The following ABHD18 variants were observed in gnomAD, a reference collection of about 807,000 sequenced individuals.
ABHD18 encodes cardiolipin-specific deacylase, mitochondrial.
ABHD18 carries 55 observed loss-of-function variants against 65.9 expected under a neutral mutation model. The ratio of observed to expected loss-of-function variants is 0.84; its 90% CI spans 0.67 to 1.05. The LOEUF (loss-of-function observed/expected upper bound fraction) is 1.05, where lower values mean the gene tolerates loss of function less well. ABHD18 is among the 50% of genes least tolerant of loss of function. The pLI is 0.00. For missense variants in ABHD18, 533 were observed against 558.5 expected (o/e 0.95, Z 0.46); for synonymous variants, 181 against 180.2 (o/e 1.00, Z -0.04).
At chr4:128,020,265 A>G in intron 9 of ABHD18, 96 bp downstream of exon 9, 1 of 827,654 alleles carries the variant, frequency 1.2e-6, no homozygotes, top group Non-Finnish European at 2.0e-6. Context: ...TGGTGATTCA[A>G]AGAAAGAATT....
At chr4:127,996,682 C>T (rs1751788028) in intron 4 of ABHD18, among the ~76,000 whole-genome samples, 1 of 152,132 alleles carries the variant, frequency 6.6e-6, no homozygotes, top group Non-Finnish European at 1.5e-5. Flanking sequence ...CTGCAGGACA[C>T]CAGGGCATAT....
chr4:128,007,992 G>A (rs984858982), intron 4 of ABHD18, among the ~76,000 whole-genome samples: 10 of 151,508 alleles, frequency 6.6e-5, no homozygotes, highest in Non-Finnish European at 1.3e-4. Context: ...GGCTAGGCAT[G>A]GTGGCTCACA....
In ABHD18 at chr4:128,035,807, T is replaced by A. The variant is rs929720743; in HGVS notation, c.1389T>A (p.Ala463=). 2.6e-6 allele frequency: 4 copies of A among 1,534,560 alleles called. No homozygotes were observed. The African/African-American group carries it at 5.5e-5, about 21-fold the overall frequency. The change falls in exon 13 of 13, where the codon GCT becomes GCA. Residue 463 remains alanine, a synonymous_variant. Coordinates refer to ENST00000645843, the MANE Select transcript of ABHD18 (RefSeq NM_001358451.3). The stretch of plus-strand genomic sequence containing the variant: ...TTGACCGCTTCCTCCATAAATACGC[T>A]AACTAGTTGGATTATTATATGTAAC... ...DAFDRFLHKY[A]N
At chr4:127,983,817 A>G (rs2149072922) in intron 2 of ABHD18, among the ~76,000 whole-genome samples, 1 of 152,300 alleles carries the variant, frequency 6.6e-6, no homozygotes, top group East Asian at 1.9e-4. Context: ...GTGAGCCGAG[A>G]TCGCGCTACT....
At chr4:127,971,982 C>A (rs1746912381) in intron 1 of ABHD18, among the ~76,000 whole-genome samples, 1 of 152,124 alleles carries the variant, frequency 6.6e-6, no homozygotes, top group Non-Finnish European at 1.5e-5. Context: ...GCCTCTCATC[C>A]TTCTGACCGA....
At chr4:127,996,614 A>T (rs981951601) in intron 4 of ABHD18, among the ~76,000 whole-genome samples, 8 of 152,312 alleles carry the variant, frequency 5.3e-5, no homozygotes, top group African/African-American at 1.9e-4. Flanking sequence ...AGAGCAGAGA[A>T]TGGTCTGACT....
intron 2 of ABHD18, among the ~76,000 whole-genome samples, chr4:127,983,970 C>G (rs1749516153): frequency 6.6e-6 from 1 of 151,580 alleles, no homozygotes; most frequent in Admixed American, 6.6e-5. Context: ...ACCCGGGAGG[C>G]AGAGGTTGCA....
intron 9 of ABHD18, 137 bp from the exon 10 acceptor site, chr4:128,021,000 C>T: frequency 3.6e-6 from 2 of 549,390 alleles, no homozygotes; most frequent in Non-Finnish European, 6.3e-6. Flanking sequence ...TGCCATTGCA[C>T]TCCAGCCTGG....
intron 4 of ABHD18, among the ~76,000 whole-genome samples, chr4:128,000,630 C>T (rs530274253): frequency 2.0e-4 from 30 of 151,854 alleles, no homozygotes; most frequent in Non-Finnish European, 3.8e-4. Flanking sequence ...TTTTTGGTTC[C>T]GTATATGAAT....
At chr4:127,989,588 G>A in intron 3 of ABHD18, 133 bp from the exon 4 acceptor site, 2 of 520,712 alleles carry the variant, frequency 3.8e-6, no homozygotes, top group Non-Finnish European at 6.8e-6. Flanking sequence ...AAGTACAGTG[G>A]CATAAAAAGT....
chr4:127,992,365 C>T (rs369830902), intron 4 of ABHD18, among the ~76,000 whole-genome samples: 2 of 151,958 alleles, frequency 1.3e-5, no homozygotes, highest in Admixed American at 6.6e-5. Context: ...ATCCCAGCTA[C>T]TCAGGAGGCT....
intron 1 of ABHD18, among the ~76,000 whole-genome samples, chr4:127,974,458 G>C (rs1747508275): frequency 6.6e-6 from 1 of 151,840 alleles, no homozygotes; most frequent in Non-Finnish European, 1.5e-5. Flanking sequence ...TGTAGCCTCT[G>C]CCTACTCAGT....
chr4:128,032,576 C>T (rs758864039), intron 12 of ABHD18, among the ~76,000 whole-genome samples: 1 of 151,962 alleles, frequency 6.6e-6, no homozygotes, highest in African/African-American at 2.4e-5. Context: ...GTCCCAGCTA[C>T]TCAGGAGGCT....
intron 4 of ABHD18, among the ~76,000 whole-genome samples, chr4:127,993,822 G>C (rs944359347): frequency 2.0e-5 from 3 of 151,860 alleles, no homozygotes; most frequent in Non-Finnish European, 4.4e-5. Flanking sequence ...ACATCACAAT[G>C]AACATCCTTA....
At chr4:128,013,687 G>A (rs907956786) in intron 7 of ABHD18, among the ~76,000 whole-genome samples, 1 of 150,440 alleles carries the variant, frequency 6.6e-6, no homozygotes, top group African/African-American at 2.5e-5. Flanking sequence ...GACAGAGCGA[G>A]ACTCCGTCTC....
In ABHD18 at chr4:127,966,754, G is replaced by A. The variant is rs1285416539; in HGVS notation, c.-18+1148G>A. On this transcript the variant is annotated intron_variant, in intron 1 of 12. Coordinates refer to ENST00000645843, the MANE Select transcript of ABHD18 (RefSeq NM_001358451.3). Reference sequence around the variant, plus strand: ...AAAAAAAAAAGCCGGGCGTGGTGGCGGGCGCCTATAGTCCCAGCTACTCGG... The same window carrying A: ...AAAAAAAAAAGCCGGGCGTGGTGGCAGGCGCCTATAGTCCCAGCTACTCGG... 7.8e-5 allele frequency among the ~76,000 whole-genome samples: 11 copies of A among 140,604 alleles called. No individual in the cohort carries two copies. In the East Asian group the frequency reaches 1.9e-3, roughly 24 times the overall value. 92.2% of individuals were successfully genotyped at this position (140,604 alleles called of 152,430 possible).
chr4:127,968,847 AC>A (rs1746187153), intron 1 of ABHD18, among the ~76,000 whole-genome samples: 1 of 152,146 alleles, frequency 6.6e-6, no homozygotes, highest in Non-Finnish European at 1.5e-5. Flanking sequence ...ATTTGGAGTT[AC>A]GTTCACCCTG....
chr4:127,977,737 A>G (rs1748227503), intron 1 of ABHD18, among the ~76,000 whole-genome samples: 1 of 152,146 alleles, frequency 6.6e-6, no homozygotes, highest in Admixed American at 6.5e-5. Flanking sequence ...CAATTCTAAT[A>G]CAAAACTTGC....
At chr4:127,988,518 C>T (rs560939182) in intron 3 of ABHD18, among the ~76,000 whole-genome samples, 31 of 152,230 alleles carry the variant, frequency 2.0e-4, no homozygotes, top group African/African-American at 7.2e-4. Context: ...AGGTGTGAGC[C>T]ATTGTGCCTG....
Sources: gnomAD v4.1 joint callset for allele counts (sites outside exome capture counted in the v4.1 genomes callset) on GRCh38, gnomAD v4.1.1 for gene constraint, MANE v1.5 for transcripts, NCBI Gene and HGNC (gene_info 2026-07-23, HGNC 2026-07-21) for gene names.